Variants in LRRC7 observed in about 807,000 individuals in gnomAD.
LRRC7 encodes leucine-rich repeat-containing protein 7.
In LRRC7, 23 loss-of-function variants were observed where a neutral mutation model predicts 175.7. The ratio of observed to expected loss-of-function variants is 0.13; its 90% CI spans 0.09 to 0.19. The LOEUF (loss-of-function observed/expected upper bound fraction) is 0.19, where lower values mean the gene tolerates loss of function less well. Ranked by LOEUF, LRRC7 falls within the 10% of genes least tolerant of loss-of-function variation. The pLI, the probability that LRRC7 is intolerant of heterozygous loss-of-function variation, is 1.00. For synonymous variants in LRRC7, 685 were observed against 680.9 expected (o/e 1.01, Z -0.09); for missense variants, 1,354 against 1,904.7 (o/e 0.71, Z 5.38).
chr1:69,885,417 G>C (rs1315320453), intron 7 of LRRC7, among the ~76,000 whole-genome samples: 1 of 145,228 alleles, frequency 6.9e-6, no homozygotes, highest in Non-Finnish European at 1.5e-5. Flanking sequence ...GGTGTTTGTA[G>C]TATTCTCTGA....
chr1:69,926,477 T>G (rs1647077670), intron 7 of LRRC7, among the ~76,000 whole-genome samples: 2 of 140,486 alleles, frequency 1.4e-5, no homozygotes, highest in South Asian at 4.6e-4. Flanking sequence ...ACTTGCTTTA[T>G]GAGTCTGGGT....
At chr1:69,793,374 G>A (rs1231375535) in intron 4 of LRRC7, among the ~76,000 whole-genome samples, 1 of 152,014 alleles carries the variant, frequency 6.6e-6, no homozygotes, top group Non-Finnish European at 1.5e-5. Flanking sequence ...TTTTGTGAAA[G>A]GCCATCAGAA....
At chr1:69,773,938 G>A (rs1569707747) in intron 3 of LRRC7, among the ~76,000 whole-genome samples, 1 of 152,288 alleles carries the variant, frequency 6.6e-6, no homozygotes, top group East Asian at 1.9e-4. Flanking sequence ...AGGATTGCTT[G>A]AGCCCAAGAG....
intron 11 of LRRC7, among the ~76,000 whole-genome samples, chr1:70,005,401 A>C (rs1169015980): frequency 2.0e-5 from 3 of 152,208 alleles, no homozygotes; most frequent in Non-Finnish European, 2.9e-5. Context: ...TTAAAGTGAA[A>C]TTATAAATTA....
At chr1:69,711,959 C>T (rs950818042) in intron 2 of LRRC7, among the ~76,000 whole-genome samples, 1 of 152,074 alleles carries the variant, frequency 6.6e-6, no homozygotes, top group Non-Finnish European at 1.5e-5. Context: ...CTAATATGCA[C>T]AATGAGTGGG....
At chr1:69,704,773 C>T (rs189200713) in intron 2 of LRRC7, among the ~76,000 whole-genome samples, 1 of 151,922 alleles carries the variant, frequency 6.6e-6, no homozygotes, top group Admixed American at 6.6e-5. Context: ...AGCAAAATAT[C>T]CCCAAGGACT....
At position 70,140,267 on chromosome 1, in the gene LRRC7, A is replaced by G. The variant is rs537159991; in HGVS notation, c.*18380A>G. The G allele has an allele frequency of 1.3e-5, 2 of 152,202 alleles. No individual in the cohort carries two copies. The highest frequency in any genetic ancestry group is 2.9e-5 in the Non-Finnish European group (2 of 67,992). The allele number at this position is 152,202 out of a possible 1,614,324, so 9.4% of individuals were successfully genotyped here. A position where few individuals can be genotyped will look rare whatever the true frequency, so the allele number is the denominator to read the frequency against. On this transcript the variant is annotated 3_prime_UTR_variant, in exon 27 of 27. Transcript: ENST00000651989. Reference sequence around the variant, plus strand: ...GGGCTGCAAGCTTAACCTCATCAGGAGTGGAATTAGATTTTACAAAGTTCC... The same window carrying G: ...GGGCTGCAAGCTTAACCTCATCAGGGGTGGAATTAGATTTTACAAAGTTCC...
At chr1:69,856,099 T>C (rs189329013) in intron 7 of LRRC7, among the ~76,000 whole-genome samples, 1 of 152,190 alleles carries the variant, frequency 6.6e-6, no homozygotes, top group African/African-American at 2.4e-5. Context: ...TCTGTGTCTT[T>C]TAATTGGAGC....
chr1:69,582,106 A>G (rs2100920847), intron 1 of LRRC7, among the ~76,000 whole-genome samples: 1 of 152,294 alleles, frequency 6.6e-6, no homozygotes, highest in Non-Finnish European at 1.5e-5. Flanking sequence ...CTGTCATTTA[A>G]GACATGCTGT....
At chr1:69,843,499 A>C (rs942265549) in intron 7 of LRRC7, among the ~76,000 whole-genome samples, 1 of 152,108 alleles carries the variant, frequency 6.6e-6, no homozygotes, top group Non-Finnish European at 1.5e-5. Flanking sequence ...ATACTTTTAA[A>C]CTACTAAACT....
intron 8 of LRRC7, among the ~76,000 whole-genome samples, chr1:69,958,761 A>G (rs968196284): frequency 1.9e-4 from 29 of 152,074 alleles, no homozygotes; most frequent in African/African-American, 6.8e-4. Flanking sequence ...GACTAATTGT[A>G]TCCCCAATTC....
At chr1:69,962,448 AC>A (rs1442840001) in intron 8 of LRRC7, among the ~76,000 whole-genome samples, 1 of 152,344 alleles carries the variant, frequency 6.6e-6, no homozygotes, top group East Asian at 1.9e-4. Context: ...TAAAGAAAGA[AC>A]TAAGATTTGA....
At chr1:69,890,769 C>A (rs1645810655) in intron 7 of LRRC7, among the ~76,000 whole-genome samples, 1 of 152,226 alleles carries the variant, frequency 6.6e-6, no homozygotes, top group Admixed American at 6.5e-5. Context: ...TTCACTGCAG[C>A]TTCTACATCA....
At chr1:69,985,958 G>T (rs1196241352) in intron 9 of LRRC7, among the ~76,000 whole-genome samples, 2 of 152,078 alleles carry the variant, frequency 1.3e-5, no homozygotes, top group East Asian at 1.9e-4. Flanking sequence ...AAGTTTTTGT[G>T]TGTACATATG....
intron 17 of LRRC7, among the ~76,000 whole-genome samples, chr1:70,027,470 A>C (rs1444399762): frequency 6.6e-6 from 1 of 152,152 alleles, no homozygotes; most frequent in Non-Finnish European, 1.5e-5. Context: ...AATTTTACAC[A>C]TGTACCTAAA....
At chr1:70,009,360 T>C (rs1387496595) in intron 11 of LRRC7, among the ~76,000 whole-genome samples, 2 of 149,988 alleles carry the variant, frequency 1.3e-5, no homozygotes, top group Non-Finnish European at 3.0e-5. Context: ...TCTTTCTTTT[T>C]TTTTTTTTTT....
At position 69,861,433 on chromosome 1, in the gene LRRC7, A is replaced by T. The variant is rs1570384085; in HGVS notation, c.647+23150A>T. 2.0e-5 allele frequency among the ~76,000 whole-genome samples: 3 copies of T among 152,336 alleles called. No homozygotes were observed. The East Asian group carries it at 5.8e-4, about 29-fold the overall frequency. ...TAGTGAAAAATATTGCAGTGGTGAC[A>T]AAAGAATATCAAATACTTCTTAATG... On this transcript the variant is annotated intron_variant, in intron 7 of 26. Transcript: ENST00000651989.
chr1:69,847,966 A>G (rs1682560800), intron 7 of LRRC7, among the ~76,000 whole-genome samples: 1 of 152,100 alleles, frequency 6.6e-6, no homozygotes, highest in South Asian at 2.1e-4. Context: ...CACTTTCACA[A>G]TCTCACGAGG....
At chr1:69,757,717 A>G (rs1670586427) in intron 2 of LRRC7, among the ~76,000 whole-genome samples, 1 of 151,958 alleles carries the variant, frequency 6.6e-6, no homozygotes, top group African/African-American at 2.4e-5. Flanking sequence ...CAACACAGAC[A>G]TCAAGAAATA....
Sources: allele counts gnomAD v4.1 joint callset (sites outside exome capture counted in the v4.1 genomes callset), GRCh38; gene constraint gnomAD v4.1.1; transcripts MANE v1.5; gene names NCBI Gene and HGNC (gene_info 2026-07-23, HGNC 2026-07-21).